The following ERICH3 variants were observed in gnomAD, a reference collection of about 807,000 sequenced individuals.
ERICH3 encodes the protein glutamate rich 3.
In ERICH3, 126 loss-of-function variants were observed where a neutral mutation model predicts 131.1. The ratio of observed to expected loss-of-function variants is 0.96; its 90% confidence interval spans 0.83 to 1.11. ERICH3 has a LOEUF of 1.11. ERICH3 is among the 50% of genes most tolerant of loss of function. The probability of loss-of-function intolerance (pLI) is 0.00; values close to 1 mark genes in which losing one functional copy is unlikely to be tolerated. For synonymous variants in ERICH3, 695 were observed against 644.6 expected, an observed-to-expected ratio of 1.08 and a Z score of -1.18; for missense variants, 2,050 against 1,810.7, an observed-to-expected ratio of 1.13 and a Z score of -2.40.
At chr1:74,573,724 G>C (rs1219696901) in intron 13 of ERICH3, among the ~76,000 whole-genome samples, 2 of 152,042 alleles carry the variant, frequency 1.3e-5, no homozygotes, top group African/African-American at 4.8e-5. Flanking sequence ...TCAAATTTAA[G>C]GAACACATTG....
intron 1 of ERICH3, among the ~76,000 whole-genome samples, chr1:74,664,652 C>G (rs1380519353): frequency 6.6e-6 from 1 of 152,096 alleles, no homozygotes; most frequent in Non-Finnish European, 1.5e-5. Context: ...CCTGCTGTTT[C>G]TTTCCTTGCT....
intron 3 of ERICH3, among the ~76,000 whole-genome samples, chr1:74,643,660 G>T (rs1362214913): frequency 6.6e-6 from 1 of 152,088 alleles, no homozygotes; most frequent in African/African-American, 2.4e-5. Flanking sequence ...GTGCTAGGAA[G>T]GTGCTTCACA....
At chr1:74,627,348 G>A (rs1649452321) in intron 7 of ERICH3, among the ~76,000 whole-genome samples, 1 of 152,104 alleles carries the variant, frequency 6.6e-6, no homozygotes, top group Non-Finnish European at 1.5e-5. Context: ...GAGGAAGCAT[G>A]AAAACAGAAT....
At chr1:74,654,256 C>T (rs1330270718) in intron 1 of ERICH3, among the ~76,000 whole-genome samples, 1 of 152,012 alleles carries the variant, frequency 6.6e-6, no homozygotes, top group Non-Finnish European at 1.5e-5. Context: ...TTCCAGCCTC[C>T]ACCTATTATT....
At chr1:74,669,903 A>C (rs1429669940) in intron 1 of ERICH3, among the ~76,000 whole-genome samples, 1 of 152,186 alleles carries the variant, frequency 6.6e-6, no homozygotes, top group Non-Finnish European at 1.5e-5. Flanking sequence ...GTATAACTGC[A>C]CTTTGTTACC....
intron 12 of ERICH3, among the ~76,000 whole-genome samples, chr1:74,583,543 G>A (rs1018355952): frequency 6.6e-6 from 1 of 151,756 alleles, no homozygotes; most frequent in African/African-American, 2.4e-5. Flanking sequence ...CCTATTTTCA[G>A]ACTGAGGTTA....
At chr1:74,590,512 A>C (rs1043736901) in intron 11 of ERICH3, among the ~76,000 whole-genome samples, 1 of 152,216 alleles carries the variant, frequency 6.6e-6, no homozygotes, top group African/African-American at 2.4e-5. Context: ...TCTCATAAGG[A>C]GCTCACAACC....
chr1:74,631,469 A>C (rs1646335830), intron 7 of ERICH3, among the ~76,000 whole-genome samples: 1 of 152,130 alleles, frequency 6.6e-6, no homozygotes, highest in Non-Finnish European at 1.5e-5. Context: ...GTATTGGTCA[A>C]ATTAAATTTG....
intron 12 of ERICH3, among the ~76,000 whole-genome samples, chr1:74,585,706 C>T (rs1386127944): frequency 4.6e-5 from 7 of 152,064 alleles, no homozygotes. Flanking sequence ...ATTCTCTCAG[C>T]CCTCTTTCAT....
intron 7 of ERICH3, among the ~76,000 whole-genome samples, chr1:74,628,975 A>G (rs1649503474): frequency 6.6e-6 from 1 of 152,172 alleles, no homozygotes; most frequent in African/African-American, 2.4e-5. Context: ...ATGTAAAAAT[A>G]TGAGTAACAT....
intron 3 of ERICH3, among the ~76,000 whole-genome samples, chr1:74,645,951 G>A (rs1369646655): frequency 2.6e-5 from 4 of 152,090 alleles, no homozygotes; most frequent in African/African-American, 9.7e-5. Flanking sequence ...TTTACTGCTT[G>A]TATGGTCAAG....
At chr1:74,626,969 C>A (rs566262472) in intron 7 of ERICH3, among the ~76,000 whole-genome samples, 1 of 151,860 alleles carries the variant, frequency 6.6e-6, no homozygotes, top group Non-Finnish European at 1.5e-5. Flanking sequence ...TCTTTCTTTC[C>A]TTTTTTTTAA....
chr1:74,626,982 G>T (rs1570888099), intron 7 of ERICH3, among the ~76,000 whole-genome samples: 1 of 151,980 alleles, frequency 6.6e-6, no homozygotes, highest in African/African-American at 2.4e-5. Flanking sequence ...TTTTTTAAGA[G>T]CCTTTAAAAG....
rs775740666 is a variant in ERICH3 at position 74,643,068 on chromosome 1, A to G, written c.274T>C (p.Leu92=). Residue 92 remains leucine, a synonymous_variant, in exon 4 of 15, where the codon TTG becomes CTG. Transcript: ENST00000326665. ...RYHQLEIKKK[L]ETLARKERIQ... ...CGCTCCTTCCTAGCTAAGGTCTCCA[A>G]TTTCTTTTTTATTTCAAGCTGATGG... The G allele has an allele frequency of 6.2e-7, 1 of 1,611,300 alleles. No homozygotes were observed. The highest frequency in any genetic ancestry group is 1.7e-5 in the Admixed American group (1 of 59,860).
intron 11 of ERICH3, among the ~76,000 whole-genome samples, chr1:74,596,243 G>A (rs1159290484): frequency 6.6e-6 from 1 of 151,902 alleles, no homozygotes; most frequent in Non-Finnish European, 1.5e-5. Context: ...TCTGGGAGAA[G>A]TCTCTTCTCT....
intron 10 of ERICH3, among the ~76,000 whole-genome samples, chr1:74,605,936 A>T (rs1031828711): frequency 6.6e-6 from 1 of 151,258 alleles, no homozygotes; most frequent in Non-Finnish European, 1.5e-5. Flanking sequence ...CTTGCACAAT[A>T]AAGTGAGCAC....
At position 74,571,570 on chromosome 1, in the gene ERICH3, A is replaced by G; in HGVS notation, c.4140T>C (p.Asp1380=). 1.2e-6 allele frequency: 2 copies of G among 1,614,112 alleles called. No individual in the cohort carries two copies. Among genetic ancestry groups the G allele is most frequent in the Non-Finnish European group, 1.7e-6 (2 of 1,179,994 alleles). ...GGTGCCAGGTTTCTTCCTCAGCAAC[A>G]TCTGAAAAGGAGGAGGCTTTATTTG... The part of the protein sequence containing the change: ...TIANKASSFS[D]VAEEETWHQQ... Residue 1380 remains aspartate (D), a synonymous_variant, in exon 14 of 15, where the codon GAT becomes GAC. Coordinates refer to ENST00000326665, the MANE Select transcript of ERICH3 (RefSeq NM_001002912.5).
intron 1 of ERICH3, among the ~76,000 whole-genome samples, chr1:74,660,616 G>GTGTGTATATATATACACATGTGTATATA (rs1646632469): frequency 3.5e-5 from 5 of 143,326 alleles, no homozygotes; most frequent in African/African-American, 1.3e-4. Context: ...TATATATATA[G>GTGTGTATATATATACACATGTGTATATA]TGTGTATATA....
At chr1:74,639,075 T>C (rs905517423) in intron 5 of ERICH3, among the ~76,000 whole-genome samples, 3 of 152,034 alleles carry the variant, frequency 2.0e-5, no homozygotes, top group African/African-American at 7.2e-5. Context: ...AAACAAAAAA[T>C]AAGCCTATAT....
Sources: allele counts gnomAD v4.1 joint callset (sites outside exome capture counted in the v4.1 genomes callset), GRCh38; gene constraint gnomAD v4.1.1; transcripts MANE v1.5; gene names NCBI Gene and HGNC (gene_info 2026-07-23, HGNC 2026-07-21).